The following FSTL5 variants were observed in gnomAD, a reference collection of about 807,000 sequenced individuals.
FSTL5 encodes follistatin-related protein 5.
In FSTL5, 62 loss-of-function variants were observed where a neutral mutation model predicts 89.1. That is an observed-to-expected ratio of 0.70 (90% CI 0.57 to 0.86). The LOEUF (loss-of-function observed/expected upper bound fraction) is 0.86, where lower values mean the gene tolerates loss of function less well. Among genes scored for constraint, FSTL5 ranks in the 40% least tolerant of loss-of-function variants. FSTL5 has a pLI of 0.00. For missense variants in FSTL5, 1,057 were observed against 1,001.6 expected (o/e 1.06, Z -0.75); for synonymous variants, 383 against 346.2 (o/e 1.11, Z -1.18).
At chr4:161,589,069 A>G (rs192250590) in intron 7 of FSTL5, among the ~76,000 whole-genome samples, 223 of 151,134 alleles carry the variant, frequency 1.5e-3, no homozygotes, top group Non-Finnish European at 2.6e-3. Flanking sequence ...GCTCACTGCA[A>G]TCTCTGCCTC....
At chr4:161,461,088 A>C (rs6536595) in intron 13 of FSTL5, among the ~76,000 whole-genome samples, 120,377 of 151,506 alleles carry the variant, frequency 0.79, 47,866 homozygotes, top group East Asian at 0.95. Flanking sequence ...TCTTATTTCC[A>C]GTTTCCAGTG....
chr4:161,928,737 T>C (rs1734197907), intron 3 of FSTL5, among the ~76,000 whole-genome samples: 1 of 151,808 alleles, frequency 6.6e-6, no homozygotes, highest in African/African-American at 2.4e-5. Flanking sequence ...AGATGTTGAT[T>C]TTAGTATTTA....
In FSTL5 at chr4:161,645,472, G is replaced by A. The variant is rs116625784; in HGVS notation, c.894+10856C>T. 9.2e-3 allele frequency among the ~76,000 whole-genome samples: 1,397 copies of A among 152,014 alleles called. 22 individuals are homozygous for A. The highest frequency in any genetic ancestry group is 0.031 in the African/African-American group (1,303 of 41,488). On this transcript the variant is annotated intron_variant, in intron 7 of 15. Transcript: ENST00000306100. Reference sequence around the variant, plus strand: ...TATGAATAAAGACCTTTAAAAATACGTTTTAAATTACTGATTTTAAGACTT... The same window carrying A: ...TATGAATAAAGACCTTTAAAAATACATTTTAAATTACTGATTTTAAGACTT...
At chr4:161,949,828 C>T (rs1009125456) in intron 3 of FSTL5, among the ~76,000 whole-genome samples, 2 of 151,718 alleles carry the variant, frequency 1.3e-5, no homozygotes, top group African/African-American at 4.8e-5. Context: ...GAATTCTCTG[C>T]TTTAATTCCT....
intron 7 of FSTL5, among the ~76,000 whole-genome samples, chr4:161,612,208 A>G (rs968546767): frequency 6.6e-6 from 1 of 152,268 alleles, no homozygotes; most frequent in African/African-American, 2.4e-5. Context: ...TAGAATAAAG[A>G]GAAAGCAATA....
chr4:162,068,192 A>T (rs1315428703), intron 2 of FSTL5, among the ~76,000 whole-genome samples: 1 of 152,100 alleles, frequency 6.6e-6, no homozygotes, highest in African/African-American at 2.4e-5. Flanking sequence ...ACAGAATTAG[A>T]AAAAACTATT....
At chr4:161,845,843 C>T (rs918070523) in intron 4 of FSTL5, among the ~76,000 whole-genome samples, 2 of 151,978 alleles carry the variant, frequency 1.3e-5, no homozygotes, top group African/African-American at 2.4e-5. Flanking sequence ...GTCAGGAGTT[C>T]GAGACCAGCC....
chr4:161,798,121 A>T (rs1729688960), intron 4 of FSTL5, among the ~76,000 whole-genome samples: 1 of 151,696 alleles, frequency 6.6e-6, no homozygotes, highest in South Asian at 2.1e-4. Flanking sequence ...TTTCAGATGA[A>T]AAATTTATGG....
At chr4:162,160,596 G>A (rs1733656471) in intron 1 of FSTL5, among the ~76,000 whole-genome samples, 1 of 151,700 alleles carries the variant, frequency 6.6e-6, no homozygotes, top group Admixed American at 6.6e-5. Flanking sequence ...CAAATATGAA[G>A]AACTAATAGA....
chr4:162,049,767 C>T (rs981378888), intron 2 of FSTL5, among the ~76,000 whole-genome samples: 6 of 151,896 alleles, frequency 4.0e-5, no homozygotes, highest in South Asian at 2.1e-4. Flanking sequence ...AAAGGCAACA[C>T]GAACAACTTA....
intron 13 of FSTL5, among the ~76,000 whole-genome samples, chr4:161,468,709 T>G (rs1733832565): frequency 6.6e-6 from 1 of 152,176 alleles, no homozygotes; most frequent in African/African-American, 2.4e-5. Flanking sequence ...TTATATTTTC[T>G]CTTTAATTTG....
chr4:161,487,541 A>G (rs906399287), intron 12 of FSTL5, among the ~76,000 whole-genome samples: 2 of 152,070 alleles, frequency 1.3e-5, no homozygotes, highest in African/African-American at 2.4e-5. Context: ...GGTATTGTCA[A>G]ATTTGCCTGG....
intron 6 of FSTL5, among the ~76,000 whole-genome samples, chr4:161,752,881 C>G (rs1352528521): frequency 2.0e-5 from 3 of 152,136 alleles, no homozygotes; most frequent in Non-Finnish European, 4.4e-5. Flanking sequence ...AGCGTTCTCT[C>G]TCTTTGGTGA....
intron 6 of FSTL5, among the ~76,000 whole-genome samples, chr4:161,723,568 T>C (rs753881456): frequency 6.6e-6 from 1 of 152,216 alleles, no homozygotes; most frequent in South Asian, 2.1e-4. Context: ...ATGCATTAAA[T>C]AGGAATTTGG....
chr4:161,676,201 T>C (rs561738047), intron 6 of FSTL5, among the ~76,000 whole-genome samples: 226 of 152,234 alleles, frequency 1.5e-3, no homozygotes, highest in African/African-American at 5.2e-3. Context: ...ACATTACCAA[T>C]CCAAGTAATT....
At chr4:161,398,014 G>T (rs1731063423) in intron 15 of FSTL5, among the ~76,000 whole-genome samples, 1 of 151,974 alleles carries the variant, frequency 6.6e-6, no homozygotes, top group Non-Finnish European at 1.5e-5. Flanking sequence ...ATCCAAGACT[G>T]CTAAGGAAGT....
intron 2 of FSTL5, among the ~76,000 whole-genome samples, chr4:162,092,125 C>G (rs1374285433): frequency 1.3e-5 from 2 of 151,982 alleles, no homozygotes; most frequent in Non-Finnish European, 2.9e-5. Context: ...ATTCTGACAG[C>G]TCTTTAGAAT....
At position 161,656,833 on chromosome 4, in the gene FSTL5, A is replaced by G. The variant is rs182770857; in HGVS notation, c.728-339T>C. On this transcript the variant is annotated intron_variant, in intron 6 of 15. Transcript: ENST00000306100. ...GTGTGTCATCAGCATTGAAATAAAA[A>G]TGATGCTGTTTATTCACTGATAGAT... Among the ~76,000 whole-genome samples the G allele has an allele frequency of 1.2e-4, 18 of 152,334 alleles. No homozygotes were observed. The East Asian group carries it at 3.5e-3, about 29-fold the overall frequency.
At position 161,716,252 on chromosome 4, in the gene FSTL5, C is replaced by T. The variant is rs150158944; in HGVS notation, c.727+43159G>A. Among the ~76,000 whole-genome samples the T allele has an allele frequency of 3.0e-3, 453 of 152,254 alleles. 17 individuals are homozygous for T. In the South Asian group the frequency reaches 0.075, roughly 25 times the overall value. ...GCATGGCTTCTTTCACAGCATTCAA[C>T]TCTCTTGTTTGTCTCCACCTCCGAC... On this transcript the variant is annotated intron_variant, in intron 6 of 15. Transcript: ENST00000306100.
Sources: allele counts gnomAD v4.1 joint callset (sites outside exome capture counted in the v4.1 genomes callset), GRCh38; gene constraint gnomAD v4.1.1; transcripts MANE v1.5; gene names NCBI Gene and HGNC (gene_info 2026-07-23, HGNC 2026-07-21).